The following ZDHHC17 variants were observed in gnomAD, a reference collection of about 807,000 sequenced individuals.
ZDHHC17 encodes the protein palmitoyltransferase ZDHHC17.
In ZDHHC17, 40 loss-of-function variants were observed where a neutral mutation model predicts 90.3. That is an observed-to-expected ratio of 0.44 (90% confidence interval 0.34 to 0.58). ZDHHC17 has a LOEUF of 0.58. ZDHHC17 is among the 20% of genes least tolerant of loss of function. The pLI is 0.01. For synonymous variants in ZDHHC17, 235 were observed against 252.4 expected, an observed-to-expected ratio of 0.93 and a Z score of 0.65; for missense variants, 614 against 780.8, an observed-to-expected ratio of 0.79 and a Z score of 2.55.
intron 1 of ZDHHC17, among the ~76,000 whole-genome samples, chr12:76,768,259 A>T (rs1380589963): frequency 6.6e-6 from 1 of 152,194 alleles, no homozygotes; most frequent in Non-Finnish European, 1.5e-5. Flanking sequence ...TGATCAAGGG[A>T]TTAGGGTACT....
At chr12:76,779,563 C>T (rs966600387) in intron 1 of ZDHHC17, among the ~76,000 whole-genome samples, 2 of 152,194 alleles carry the variant, frequency 1.3e-5, no homozygotes, top group Non-Finnish European at 2.9e-5. Flanking sequence ...AATTCCCTCC[C>T]ATGACACGTG....
intron 1 of ZDHHC17, among the ~76,000 whole-genome samples, chr12:76,785,667 C>A (rs1952676028): frequency 6.6e-6 from 1 of 152,130 alleles, no homozygotes; most frequent in Non-Finnish European, 1.5e-5. Context: ...TATGGTGACT[C>A]TTGAATTGTG....
chr12:76,826,107 C>T lies in ZDHHC17; in HGVS notation c.898-801C>T, dbSNP rs1372858057. On this transcript the variant is annotated intron_variant, in intron 8 of 16. Transcript: ENST00000426126. ...GTGTTGGGATTAAAGGCATGAGCCA[C>T]CATGCCCTGCCTTGAATATCTTACA... Among the ~76,000 whole-genome samples the T allele has an allele frequency of 3.9e-5, 6 of 152,282 alleles. No homozygotes were observed. The East Asian group carries it at 1.2e-3, about 29-fold the overall frequency.
intron 7 of ZDHHC17, among the ~76,000 whole-genome samples, chr12:76,822,008 CTG>C (rs770126662): frequency 2.6e-5 from 4 of 152,076 alleles, no homozygotes; most frequent in Admixed American, 6.6e-5. Context: ...TGAAATAAAA[CTG>C]AGAGATTTCT....
intron 1 of ZDHHC17, among the ~76,000 whole-genome samples, chr12:76,774,029 C>T (rs1222864195): frequency 3.3e-5 from 5 of 152,106 alleles, no homozygotes; most frequent in Admixed American, 6.6e-5. Flanking sequence ...GTGGGAGGAT[C>T]GCTTGAGCCT....
At chr12:76,827,898 AAC>A (rs1312152693) in intron 9 of ZDHHC17, among the ~76,000 whole-genome samples, 3 of 152,126 alleles carry the variant, frequency 2.0e-5, no homozygotes, top group Non-Finnish European at 2.9e-5. Flanking sequence ...AAGTATTAAA[AAC>A]ACAACTCTTC....
chr12:76,786,106 TTTC>T (rs1250034012), intron 1 of ZDHHC17, among the ~76,000 whole-genome samples: 1 of 142,888 alleles, frequency 7.0e-6, no homozygotes, highest in African/African-American at 2.6e-5. Context: ...TTTCTTTTTC[TTTC>T]TTTTCTTTCT....
intron 7 of ZDHHC17, among the ~76,000 whole-genome samples, chr12:76,820,220 C>T (rs569509148): frequency 6.6e-6 from 1 of 151,984 alleles, no homozygotes; most frequent in South Asian, 2.1e-4. Context: ...AAGTGGCTGT[C>T]ATCAGAAAAG....
chr12:76,773,013 C>T (rs527979422), intron 1 of ZDHHC17, among the ~76,000 whole-genome samples: 2 of 152,118 alleles, frequency 1.3e-5, no homozygotes, highest in South Asian at 2.1e-4. Flanking sequence ...CGTGCCACCA[C>T]GCCCTGCTCA....
intron 3 of ZDHHC17, among the ~76,000 whole-genome samples, chr12:76,807,297 G>A (rs1952966537): frequency 6.6e-6 from 1 of 152,116 alleles, no homozygotes; most frequent in African/African-American, 2.4e-5. Context: ...GGGAATATAT[G>A]CTAGAAAACA....
intron 12 of ZDHHC17, chr12:76,845,399 G>T (rs1216306910): frequency 6.2e-6 from 1 of 161,936 alleles, no homozygotes; most frequent in Non-Finnish European, 1.3e-5. Context: ...AAATTTGAGG[G>T]ATGTGAATTA....
chr12:76,786,899 T>C (rs1053616779), intron 1 of ZDHHC17, among the ~76,000 whole-genome samples: 3 of 152,242 alleles, frequency 2.0e-5, no homozygotes, highest in African/African-American at 7.2e-5. Flanking sequence ...TAAATGTCTT[T>C]ACTTATTCTC....
Position 76,764,339 on chromosome 12 carries a change from C to T in ZDHHC17, c.93+10C>T. ...CCTTCTCCACCCAGAGGTGAGGAAC[C>T]GTGCTGAGTGGATTCCTTGCCCTGC... On this transcript the variant is annotated intron_variant, in intron 1 of 16. Transcript: ENST00000426126. 3 of 1,578,566 alleles carry T rather than the reference C, an allele frequency of 1.9e-6. No homozygotes were observed. The highest frequency in any genetic ancestry group is 1.7e-6 in the Non-Finnish European group (2 of 1,159,882).
chr12:76,829,313 C>G (rs971039755), intron 10 of ZDHHC17, among the ~76,000 whole-genome samples: 1 of 151,680 alleles, frequency 6.6e-6, no homozygotes, highest in Non-Finnish European at 1.5e-5. Context: ...AAAAATTAGC[C>G]AGGTGTGGTG....
At chr12:76,832,657 C>T (rs1308762824) in intron 10 of ZDHHC17, among the ~76,000 whole-genome samples, 1 of 152,154 alleles carries the variant, frequency 6.6e-6, no homozygotes, top group Non-Finnish European at 1.5e-5. Flanking sequence ...CTGAATGAAG[C>T]TTATCTAACA....
Position 76,851,471 on chromosome 12 carries a change from A to T in ZDHHC17, c.*486A>T, listed in dbSNP as rs1712082464. Reference sequence around the variant, plus strand: ...ATGTACATTTCAGAATGTACACATAAATACTGTGATGAAAATCATGTGATT... The same window carrying T: ...ATGTACATTTCAGAATGTACACATATATACTGTGATGAAAATCATGTGATT... On this transcript the variant is annotated 3_prime_UTR_variant, in exon 17 of 17. Coordinates refer to ENST00000426126, the MANE Select transcript of ZDHHC17 (RefSeq NM_015336.4). The T allele has an allele frequency of 6.4e-6, 1 of 155,806 alleles. No individual in the cohort carries two copies. Among genetic ancestry groups the T allele is most frequent in the Admixed American group, 6.5e-5 (1 of 15,326 alleles). 9.7% of individuals were successfully genotyped at this position (155,806 alleles called of 1,614,324 possible). A position where few individuals can be genotyped will look rare whatever the true frequency, so the allele number is the denominator to read the frequency against.
intron 1 of ZDHHC17, among the ~76,000 whole-genome samples, chr12:76,780,874 C>A (rs1318344386): frequency 1.3e-5 from 2 of 152,018 alleles, no homozygotes; most frequent in African/African-American, 4.8e-5. Context: ...GTAATCCCAG[C>A]ACTTTGGGAG....
chr12:76,838,890 A>T (rs1953400342), intron 10 of ZDHHC17, among the ~76,000 whole-genome samples: 1 of 152,194 alleles, frequency 6.6e-6, no homozygotes. Flanking sequence ...CCATAATGAT[A>T]TACCAGAGAC....
chr12:76,777,506 A>C (rs1952572361), intron 1 of ZDHHC17, among the ~76,000 whole-genome samples: 1 of 152,194 alleles, frequency 6.6e-6, no homozygotes, highest in Admixed American at 6.5e-5. Flanking sequence ...TTTGTGTACA[A>C]GTATTCATGT....
Sources: gnomAD v4.1 joint callset for allele counts (sites outside exome capture counted in the v4.1 genomes callset) on GRCh38, gnomAD v4.1.1 for gene constraint, MANE v1.5 for transcripts, NCBI Gene and HGNC (gene_info 2026-07-23, HGNC 2026-07-21) for gene names.